TRIM66: variants seen among roughly 807,000 people sequenced by gnomAD.
TRIM66 encodes the protein tripartite motif containing 66, also known as tripartite motif-containing protein 66.
A neutral mutation model predicts 148.2 loss-of-function variants in TRIM66; 99 were observed. The observed-to-expected ratio is 0.67, with a 90% CI of 0.57 to 0.79. The LOEUF (loss-of-function observed/expected upper bound fraction) is 0.79. Among genes scored for constraint, TRIM66 ranks in the 30% least tolerant of loss-of-function variants. The pLI, the probability that TRIM66 is intolerant of heterozygous loss-of-function variation, is 0.00. For missense variants in TRIM66, 1,666 were observed against 1,697.9 expected (o/e 0.98, Z 0.33); for synonymous variants, 616 against 635.9 (o/e 0.97, Z 0.47).
intron 17 of TRIM66, among the ~76,000 whole-genome samples, chr11:8,623,931 G>T (rs1421102565): frequency 6.6e-6 from 1 of 152,202 alleles, no homozygotes; most frequent in African/African-American, 2.4e-5. Context: ...TAGAGAGAAA[G>T]AAATCAGTTG....
chr11:8,658,950 A>T (rs886625228), intron 6 of TRIM66: 1 of 291,122 alleles, frequency 3.4e-6, no homozygotes, highest in Non-Finnish European at 5.1e-6. Context: ...AGGACTTCGG[A>T]TGGAGAAGAC....
Position 8,624,966 on chromosome 11 carries a change from G to A in TRIM66, c.2573C>T (p.Ser858Phe). ...GGAGTCACTTATCAGGTTGGGCATG[G>A]ACTGGAATGTGCTATGCACAAGGCT... is the stretch of plus-strand genomic sequence containing the variant. ...VPSLVHSTFQ[S>F]MPNLISDSPQ... The change falls in exon 16 of 25, where the codon TCC becomes TTC. Residue 858 changes from serine to phenylalanine, a missense_variant. By Grantham distance (155) the Ser-to-Phe change is radical (BLOSUM62 -2). Around this residue, in one of 3 missense-constraint regions of TRIM66, gnomAD observed 1,431 missense variants for 1,412.4 expected, o/e 1.01. Transcript: ENST00000646038. 6.4e-7 allele frequency: 1 copy of A among 1,551,750 alleles called. No individual in the cohort carries two copies. The highest frequency in any genetic ancestry group is 2.0e-5 in the Admixed American group (1 of 51,016).
At chr11:8,620,238 A>C in intron 21 of TRIM66, 114 bp from the exon 22 acceptor site, 2 of 1,298,374 alleles carry the variant, frequency 1.5e-6, no homozygotes, top group Non-Finnish European at 2.1e-6. Flanking sequence ...GCCAGCTGCC[A>C]TACTAAGGCA....
rs2036857082 is a variant in TRIM66, at chr11:8,646,489, A to G, written c.915T>C (p.Asn305=). 1 of 1,552,120 alleles carries G rather than the reference A, an allele frequency of 6.4e-7. No individual in the cohort carries two copies. The highest frequency in any genetic ancestry group is 1.2e-5 in the South Asian group (1 of 84,066). ...GCCCATTGGCCTGTTTGTTCAGCTC[A>G]TTCATCAGAACCATCTTGGCCATTT... The part of the protein sequence containing the change: ...QIKMAKMVLM[N]ELNKQANGLI... The change falls in exon 11 of 25, where the codon AAT becomes AAC. Residue 305 remains asparagine, a synonymous_variant. Coordinates refer to ENST00000646038, the MANE Select transcript of TRIM66 (RefSeq NM_001388022.1).
intron 6 of TRIM66, among the ~76,000 whole-genome samples, chr11:8,652,948 G>A (rs2037491039): frequency 6.6e-6 from 1 of 152,176 alleles, no homozygotes; most frequent in Admixed American, 6.5e-5. Context: ...TCACTTAATT[G>A]CCCTGTACCC....
intron 15 of TRIM66, among the ~76,000 whole-genome samples, chr11:8,625,551 CACAG>C (rs2034757351): frequency 1.1e-5 from 1 of 89,022 alleles, no homozygotes; most frequent in Non-Finnish European, 2.4e-5. Context: ...TACACACACA[CACAG>C]ACACACACAC....
At position 8,617,781 on chromosome 11, in the gene TRIM66, T is replaced by A; in HGVS notation, c.*163A>T. Reference sequence around the variant, plus strand: ...TTCTCTGTAGTGGATGTACTACGGCTCCCAAATAAATGCTGTAGATGCAAA... The same window carrying A: ...TTCTCTGTAGTGGATGTACTACGGCACCCAAATAAATGCTGTAGATGCAAA... On this transcript the variant is annotated 3_prime_UTR_variant, in exon 25 of 25. Coordinates refer to ENST00000646038, the MANE Select transcript of TRIM66 (RefSeq NM_001388022.1). 1 of 656,450 alleles carries A rather than the reference T, an allele frequency of 1.5e-6. No individual in the cohort carries two copies. Among genetic ancestry groups the A allele is most frequent in the Non-Finnish European group, 2.7e-6 (1 of 373,424 alleles). The allele number at this position is 656,450 out of a possible 1,614,324, so 40.7% of individuals were successfully genotyped here.
At position 8,638,704 on chromosome 11, in the gene TRIM66, G is replaced by A. The variant is rs1292283707; in HGVS notation, c.2260C>T (p.Pro754Ser). 6.5e-7 allele frequency: 1 copy of A among 1,549,456 alleles called. No individual in the cohort carries two copies. The highest frequency in any genetic ancestry group is 8.7e-7 in the Non-Finnish European group (1 of 1,146,162). ...ASGEETPLSV[P>S]PVDSTIQHSS... is the part of the protein sequence containing the mutation. ...TGCTGGATGGTGCTGTCCACTGGGG[G>A]GACACTGAGAGGGGTTTCTTCCCCA... The change falls in exon 15 of 25, where the codon CCC (proline) becomes TCC (serine). Residue 754 changes from proline (P) to serine (S), a missense_variant. By Grantham distance (74) the Pro-to-Ser change is moderately conservative (BLOSUM62 -1). Coordinates refer to ENST00000646038, the MANE Select transcript of TRIM66 (RefSeq NM_001388022.1).
chr11:8,676,658 C>A (rs992981192), intron 3 of TRIM66, among the ~76,000 whole-genome samples: 3 of 152,230 alleles, frequency 2.0e-5, no homozygotes, highest in Non-Finnish European at 4.4e-5. Flanking sequence ...CACAGCCACA[C>A]AATGAGTTTC....
rs1488542315 is a variant in TRIM66 at position 8,644,877 on chromosome 11, T to TGG, written c.1104+863_1104+864insCC. 2.6e-5 allele frequency among the ~76,000 whole-genome samples: 4 copies of TGG among 152,214 alleles called. No individual in the cohort carries two copies. In the East Asian group the frequency reaches 7.7e-4, roughly 29 times the overall value. ...CCCAGATCCAGAGGCTGCTCGTCAC[T>TGG]ATTCATCTTCTTTCACCCATGCAGC... On this transcript the variant is annotated intron_variant, in intron 12 of 24. Coordinates refer to ENST00000646038, the MANE Select transcript of TRIM66 (RefSeq NM_001388022.1).
intron 8 of TRIM66, among the ~76,000 whole-genome samples, chr11:8,649,442 G>T (rs149207717): frequency 2.5e-3 from 377 of 152,276 alleles, no homozygotes; most frequent in African/African-American, 8.7e-3. Context: ...AAATTAGAAG[G>T]GTAACATGAT....
intron 9 of TRIM66, 137 bp downstream of exon 9, chr11:8,648,279 G>A (rs1242780324): frequency 5.8e-6 from 8 of 1,376,818 alleles, no homozygotes; most frequent in Non-Finnish European, 6.8e-6. Flanking sequence ...AACAGGAGCA[G>A]AGAAAAACTT....
chr11:8,652,872 G>A lies in TRIM66; in HGVS notation c.341-969C>T, dbSNP rs146172964. On this transcript the variant is annotated intron_variant, in intron 6 of 24. Coordinates refer to ENST00000646038, the MANE Select transcript of TRIM66 (RefSeq NM_001388022.1). The stretch of plus-strand genomic sequence containing the variant: ...TGATGGCAGTTGCTCCAGACTTATA[G>A]TCAGACAAATGTAAGTCCAAAATAC... Among the ~76,000 whole-genome samples, 7 of 152,354 alleles carry A rather than the reference G, an allele frequency of 4.6e-5. No homozygotes were observed. In the East Asian group the frequency reaches 7.7e-4, roughly 17 times the overall value.
At chr11:8,644,393 C>T in intron 12 of TRIM66, 1 of 452,910 alleles carries the variant, frequency 2.2e-6, no homozygotes, top group Non-Finnish European at 4.4e-6. Flanking sequence ...TACTTTGGTG[C>T]TACTTACCAA....
At chr11:8,619,324 C>A (rs1391854500) in intron 23 of TRIM66, 59 bp downstream of exon 23, 7 of 1,388,824 alleles carry the variant, frequency 5.0e-6, no homozygotes, top group African/African-American at 2.9e-5. Context: ...ACCCTACCCA[C>A]CCATGACAGT....
At position 8,624,761 on chromosome 11, in the gene TRIM66, C is replaced by T. The variant is rs369429089; in HGVS notation, c.2778G>A (p.Leu926=). ...AGGGATCAGCCCCATCTCTGGGACA[C>T]AGGCTCCCTGAAGTTCGGCCAGAAC... ...SSSSGRTSGS[L]CPRDGADPSL... Residue 926 remains leucine (L), a synonymous_variant, in exon 16 of 25, where the codon CTG becomes CTA. Coordinates refer to ENST00000646038, the MANE Select transcript of TRIM66 (RefSeq NM_001388022.1). The T allele has an allele frequency of 4.4e-4, 681 of 1,547,678 alleles. 5 individuals carry two copies. The Middle Eastern group carries it at 4.7e-3, about 11-fold the overall frequency.
rs950497463 is a variant in TRIM66 at position 8,641,071 on chromosome 11, T to C, written c.1304A>G (p.Tyr435Cys). Residue 435 changes from tyrosine (Y) to cysteine (C), a missense_variant, in exon 14 of 25, where the codon TAT (tyrosine) becomes TGT (cysteine). By Grantham distance (194) the Tyr-to-Cys change is radical. Around this residue, in one of 3 missense-constraint regions of TRIM66, gnomAD observed 1,431 missense variants for 1,412.4 expected, o/e 1.01. Coordinates refer to ENST00000646038, the MANE Select transcript of TRIM66 (RefSeq NM_001388022.1). ...AGCCACTGGAGACTGGTGGCTTTGA[T>C]AAAAGGGTGATGACCCCTGTAAGCC... The part of the protein sequence containing the change: ...YGGLQGSSPF[Y>C]QSHQSPVAQQ... 9 of 1,551,574 alleles carry C rather than the reference T, an allele frequency of 5.8e-6. No individual in the cohort carries two copies. The highest frequency in any genetic ancestry group is 4.1e-5 in the African/African-American group (3 of 73,040).
intron 15 of TRIM66, among the ~76,000 whole-genome samples, chr11:8,638,323 G>A (rs1213431336): frequency 6.6e-6 from 1 of 152,198 alleles, no homozygotes; most frequent in East Asian, 1.9e-4. Context: ...ACAAATGTTG[G>A]AGGTGAGGTG....
At chr11:8,681,601 T>C (rs1295806562) in intron 1 of TRIM66, among the ~76,000 whole-genome samples, 2 of 152,140 alleles carry the variant, frequency 1.3e-5, no homozygotes, top group African/African-American at 2.4e-5. Context: ...AGCGAGGGGA[T>C]GGGATCTTGA....
Sources: gnomAD v4.1 joint callset for allele counts (sites outside exome capture counted in the v4.1 genomes callset) on GRCh38, gnomAD v4.1.1 for gene constraint, gnomAD v4.1.1 regional missense constraint, MANE v1.5 for transcripts, NCBI Gene and HGNC (gene_info 2026-07-23, HGNC 2026-07-21) for gene names.